SCML2: variants seen among roughly 807,000 people sequenced by gnomAD.
The protein encoded by SCML2 is Scm polycomb group protein like 2.
A neutral mutation model predicts 48.4 loss-of-function variants in SCML2; 6 were observed. The observed-to-expected ratio is 0.12, with a 90% CI of 0.07 to 0.24. The LOEUF (loss-of-function observed/expected upper bound fraction) is 0.24. Among genes scored for constraint, SCML2 ranks in the 10% least tolerant of loss-of-function variants. The pLI is 1.00. For synonymous variants in SCML2, 181 were observed against 189.5 expected, an observed-to-expected ratio of 0.95 and a Z score of 0.37; for missense variants, 377 against 528.2, an observed-to-expected ratio of 0.71 and a Z score of 2.81.
At chrX:18,303,919 T>G (rs975389694) in intron 7 of SCML2, among the ~76,000 whole-genome samples, 3 of 112,636 alleles carry the variant, frequency 2.7e-5, no homozygotes, top group Non-Finnish European at 5.6e-5. Context: ...GACATTATAC[T>G]CCTCTGCACA....
chrX:18,282,399 A>T (rs972231007), intron 7 of SCML2, among the ~76,000 whole-genome samples: 1 of 111,220 alleles, frequency 9.0e-6, no homozygotes, highest in Non-Finnish European at 1.9e-5. Flanking sequence ...GCACTTTGGG[A>T]GGCCGAGGTG....
chrX:18,273,878 G>A (rs192436125), intron 7 of SCML2, among the ~76,000 whole-genome samples: 122 of 110,571 alleles, frequency 1.1e-3, no homozygotes, highest in African/African-American at 3.4e-3. Context: ...ACAGAGAAGC[G>A]GCTTCACTTC....
chrX:18,338,077 C>A (rs763208339), intron 1 of SCML2, among the ~76,000 whole-genome samples: 1 of 111,639 alleles, frequency 9.0e-6, no homozygotes, highest in South Asian at 3.8e-4. Context: ...GAAAATACAC[C>A]TTATCAAAAT....
chrX:18,299,517 CA>C (rs750111438), intron 7 of SCML2, among the ~76,000 whole-genome samples: 49 of 89,541 alleles, frequency 5.5e-4, no homozygotes, highest in Admixed American at 5.0e-4. Context: ...GACTCCGTCT[CA>C]AAAAAAAAAA....
intron 8 of SCML2, among the ~76,000 whole-genome samples, chrX:18,264,645 T>A (rs962747732): frequency 9.8e-5 from 11 of 112,034 alleles, no homozygotes; most frequent in African/African-American, 3.6e-4. Flanking sequence ...ACATTCCAGA[T>A]GTTACAAATA....
At chrX:18,325,247 T>C (rs188293004) in intron 3 of SCML2, among the ~76,000 whole-genome samples, 15 of 112,133 alleles carry the variant, frequency 1.3e-4, no homozygotes, top group African/African-American at 4.8e-4. Context: ...AGCACAGTGA[T>C]TCTAAAAATG....
chrX:18,256,183 G>C (rs979551453), intron 11 of SCML2, among the ~76,000 whole-genome samples: 8 of 111,553 alleles, frequency 7.2e-5, no homozygotes, highest in African/African-American at 2.6e-4. Context: ...GGGTGTGGAG[G>C]CTCACACCTG....
chrX:18,312,717 C>T (rs1928991668), intron 6 of SCML2, among the ~76,000 whole-genome samples: 1 of 110,277 alleles, frequency 9.1e-6, no homozygotes, highest in Admixed American at 9.7e-5. Context: ...AAGATAGTTT[C>T]CCCTCCCTGA....
intron 7 of SCML2, among the ~76,000 whole-genome samples, chrX:18,297,954 A>T (rs981188450): frequency 2.7e-5 from 3 of 111,762 alleles, no homozygotes; most frequent in African/African-American, 9.8e-5. Context: ...AGCTGTATTG[A>T]GCCGTGATCA....
intron 7 of SCML2, among the ~76,000 whole-genome samples, chrX:18,296,088 A>G (rs1928388999): frequency 8.9e-6 from 1 of 111,874 alleles, no homozygotes; most frequent in African/African-American, 3.2e-5. Context: ...CCTCCAAAGG[A>G]ACACGATAAT....
intron 7 of SCML2, among the ~76,000 whole-genome samples, chrX:18,273,658 G>T (rs1207344078): frequency 2.7e-5 from 3 of 111,264 alleles, no homozygotes; most frequent in East Asian, 5.7e-4. Flanking sequence ...GGGAGGGTGG[G>T]TTCCCAGCAA....
chrX:18,294,655 C>T (rs1928332966), intron 7 of SCML2, among the ~76,000 whole-genome samples: 1 of 110,958 alleles, frequency 9.0e-6, no homozygotes, highest in Non-Finnish European at 1.9e-5. Flanking sequence ...ACCAACATCT[C>T]CCAACATCCA....
intron 7 of SCML2, among the ~76,000 whole-genome samples, chrX:18,303,248 T>C (rs904939065): frequency 8.9e-6 from 1 of 111,825 alleles, no homozygotes; most frequent in African/African-American, 3.3e-5. Context: ...CATACCATAC[T>C]GCTAGGAGTC....
rs114893806 is a variant in SCML2, at chrX:18,275,241, C to T, written c.731-9439G>A. 4.6e-3 allele frequency among the ~76,000 whole-genome samples: 523 copies of T among 112,492 alleles called. 1 individual carries two copies. The highest frequency in any genetic ancestry group is 0.016 in the African/African-American group (499 of 30,986). On this transcript the variant is annotated intron_variant, in intron 7 of 14. Transcript: ENST00000251900. ...CACTCATATTCGGCTCAGAATAAAC[C>T]TCTTCAAACATTTTACAGAATTTGA... is the stretch of plus-strand genomic sequence containing the variant.
chrX:18,308,802 CAA>C (rs1228148207), intron 6 of SCML2, among the ~76,000 whole-genome samples: 4 of 111,670 alleles, frequency 3.6e-5, no homozygotes, highest in African/African-American at 9.8e-5. Flanking sequence ...GATATGGAAT[CAA>C]AAGTGTCCAT....
intron 7 of SCML2, among the ~76,000 whole-genome samples, chrX:18,288,312 G>T (rs1928122830): frequency 9.1e-6 from 1 of 110,439 alleles, no homozygotes. Context: ...ATAAATCTCA[G>T]GTAATACCAG....
intron 13 of SCML2, among the ~76,000 whole-genome samples, chrX:18,243,649 T>G (rs768350943): frequency 8.2e-4 from 92 of 111,969 alleles, no homozygotes; most frequent in Non-Finnish European, 1.4e-3. Flanking sequence ...TGCATAGTAA[T>G]AGATATTTTG....
At chrX:18,243,011 G>C (rs1926321844) in intron 13 of SCML2, among the ~76,000 whole-genome samples, 1 of 112,187 alleles carries the variant, frequency 8.9e-6, no homozygotes. Context: ...TATTTTACTA[G>C]CTAAATCCGA....
chrX:18,266,289 T>C (rs1451807402), intron 7 of SCML2, among the ~76,000 whole-genome samples: 3 of 111,634 alleles, frequency 2.7e-5, no homozygotes, highest in African/African-American at 6.5e-5. Context: ...TGAGGTATAA[T>C]TGGCAAATAA....
Sources: gnomAD v4.1 joint callset for allele counts (sites outside exome capture counted in the v4.1 genomes callset) on GRCh38, gnomAD v4.1.1 for gene constraint, MANE v1.5 for transcripts, NCBI Gene and HGNC (gene_info 2026-07-23, HGNC 2026-07-21) for gene names.